MAP4K3: variants seen among roughly 807,000 people sequenced by gnomAD.
MAP4K3 encodes the protein MAPK/ERK kinase kinase kinase 3.
MAP4K3 carries 94 observed loss-of-function variants against 143.5 expected under a neutral mutation model. That is an observed-to-expected ratio of 0.65 (90% CI 0.55 to 0.78). MAP4K3 has a LOEUF of 0.78. Among genes scored for constraint, MAP4K3 ranks in the 30% least tolerant of loss-of-function variants. MAP4K3 has a pLI of 0.00. For synonymous variants in MAP4K3, 416 were observed against 347.2 expected, an observed-to-expected ratio of 1.20 and a Z score of -2.20; for missense variants, 1,077 against 1,068.1, an observed-to-expected ratio of 1.01 and a Z score of -0.12.
At chr2:39,262,124 T>C (rs889185356) in intron 28 of MAP4K3, among the ~76,000 whole-genome samples, 3 of 152,238 alleles carry the variant, frequency 2.0e-5, no homozygotes, top group African/African-American at 7.2e-5. Flanking sequence ...TTGCTAGCAT[T>C]TTATGAAGCT....
At chr2:39,294,592 G>GTAT (rs1682192338) in intron 16 of MAP4K3, among the ~76,000 whole-genome samples, 1 of 152,186 alleles carries the variant, frequency 6.6e-6, no homozygotes, top group South Asian at 2.1e-4. Flanking sequence ...CACCATCACA[G>GTAT]GATATGGCAC....
chr2:39,261,019 C>A, intron 28 of MAP4K3: 1 of 360,808 alleles, frequency 2.8e-6, no homozygotes. Context: ...ATTTATAAGT[C>A]ACGTGTCCAA....
rs10196447 is a variant in MAP4K3 at position 39,389,311 on chromosome 2, G to A, written c.97-11188C>T. Among the ~76,000 whole-genome samples the A allele has an allele frequency of 9.2e-5, 14 of 152,090 alleles. No individual in the cohort carries two copies. In the East Asian group the frequency reaches 2.7e-3, roughly 29 times the overall value. On this transcript the variant is annotated intron_variant, in intron 1 of 33. Coordinates refer to ENST00000263881, the MANE Select transcript of MAP4K3 (RefSeq NM_003618.4). ...CAAGAGATAGAAAATGAGAGATTAA[G>A]AGACACAAAGAATAGAATAAGAAAA...
At chr2:39,369,193 G>GTTTTTTTTTTTTTTTTTTTTT (rs1553419595) in intron 2 of MAP4K3, among the ~76,000 whole-genome samples, 2 of 37,968 alleles carry the variant, frequency 5.3e-5, no homozygotes, top group East Asian at 2.1e-3. Context: ...CTTTGGGCTA[G>GTTTTTTTTTTTTTTTTTTTTT]TTTTTTTTTT....
In MAP4K3 at chr2:39,378,008, C is replaced by T. The variant is rs1350461442; in HGVS notation, c.154+58G>A. The T allele has an allele frequency of 3.0e-5, 30 of 988,236 alleles. No individual in the cohort carries two copies. In the South Asian group the frequency reaches 3.6e-4, roughly 12 times the overall value. 61.2% of individuals were successfully genotyped at this position (988,236 alleles called of 1,614,324 possible). A position where few individuals can be genotyped will look rare whatever the true frequency, so the allele number is the denominator to read the frequency against. ...GTTAACCAAACATCATTAAAATAAGCCTTAAGATATCCCATGGCTTTCTAG... is the reference window on the plus strand; with the variant it reads ...GTTAACCAAACATCATTAAAATAAGTCTTAAGATATCCCATGGCTTTCTAG... On this transcript the variant is annotated intron_variant, in intron 2 of 33. Coordinates refer to ENST00000263881, the MANE Select transcript of MAP4K3 (RefSeq NM_003618.4).
chr2:39,308,043 CT>C, intron 14 of MAP4K3, 38 bp from the exon 15 acceptor site: 2 of 1,459,480 alleles, frequency 1.4e-6, no homozygotes, highest in Non-Finnish European at 1.9e-6. Context: ...GTTATTTACG[CT>C]TAGACTAAAA....
chr2:39,291,448 T>C (rs1479128210), intron 18 of MAP4K3, among the ~76,000 whole-genome samples: 1 of 152,210 alleles, frequency 6.6e-6, no homozygotes, highest in Non-Finnish European at 1.5e-5. Context: ...GTATAAAATA[T>C]ATCACATTGT....
intron 19 of MAP4K3, among the ~76,000 whole-genome samples, chr2:39,288,700 A>G (rs973309537): frequency 6.6e-6 from 1 of 152,180 alleles, no homozygotes; most frequent in African/African-American, 2.4e-5. Flanking sequence ...AGATGACTCA[A>G]TGTCTTTATG....
intron 6 of MAP4K3, among the ~76,000 whole-genome samples, chr2:39,333,936 T>A (rs1367011150): frequency 6.6e-6 from 1 of 151,586 alleles, no homozygotes; most frequent in African/African-American, 2.4e-5. Flanking sequence ...CATTACACTT[T>A]AAACTTGATT....
chr2:39,437,165 G>A lies in MAP4K3; in HGVS notation c.-178C>T, dbSNP rs918754781. ...CTCCCCTCACGCCGCTGCGGACGAC[G>A]ACAAGCGGCCAATCGTCCCCGCCCC... On this transcript the variant is annotated 5_prime_UTR_variant, in exon 1 of 34. Transcript: ENST00000263881. 1.5e-5 allele frequency: 6 copies of A among 396,328 alleles called. No individual in the cohort carries two copies. The highest frequency in any genetic ancestry group is 2.6e-5 in the Non-Finnish European group (6 of 229,090). The allele number at this position is 396,328 out of a possible 1,614,324, so 24.6% of individuals were successfully genotyped here. A position where few individuals can be genotyped will look rare whatever the true frequency, so the allele number is the denominator to read the frequency against.
rs953749990 is a variant in MAP4K3 at position 39,272,167 on chromosome 2, AT to A, written c.1973+115del. ...CACTTGTTAATGTATATTACTTATT[AT>A]TTTTTCATCATGATTTTTATTAACC... On this transcript the variant is annotated intron_variant, in intron 26 of 33. Coordinates refer to ENST00000263881, the MANE Select transcript of MAP4K3 (RefSeq NM_003618.4). 36 of 753,766 alleles carry A rather than the reference AT, an allele frequency of 4.8e-5. No individual in the cohort carries two copies. In the African/African-American group the frequency reaches 6.0e-4, roughly 13 times the overall value. The allele number at this position is 753,766 out of a possible 1,614,324, so 46.7% of individuals were successfully genotyped here.
At chr2:39,309,827 A>G (rs1293842252) in intron 13 of MAP4K3, among the ~76,000 whole-genome samples, 1 of 151,816 alleles carries the variant, frequency 6.6e-6, no homozygotes, top group Non-Finnish European at 1.5e-5. Flanking sequence ...CAAAGTGCTG[A>G]GATTACAGGA....
In MAP4K3 at chr2:39,325,824, GA is replaced by G; in HGVS notation, c.726-14del. The G allele has an allele frequency of 6.3e-7, 1 of 1,588,900 alleles. No homozygotes were observed. The highest frequency in any genetic ancestry group is 1.4e-5 in the African/African-American group (1 of 73,504). On this transcript the variant is annotated splice_polypyrimidine_tract_variant and intron_variant, in intron 10 of 33. Transcript: ENST00000263881. ...AAAACTATTTGACCTAAGAAATTTA[GA>G]AAATTAGACTTTTACATTCCAATTC...
intron 4 of MAP4K3, among the ~76,000 whole-genome samples, chr2:39,342,761 A>C (rs1665179955): frequency 6.6e-6 from 1 of 152,216 alleles, no homozygotes; most frequent in South Asian, 2.1e-4. Context: ...AAAAATGAGA[A>C]AAAAGGTCCA....
At chr2:39,396,753 G>A (rs943598735) in intron 1 of MAP4K3, among the ~76,000 whole-genome samples, 12 of 152,132 alleles carry the variant, frequency 7.9e-5, no homozygotes, top group African/African-American at 2.4e-4. Flanking sequence ...GATTACAGAC[G>A]TGAGCCACCG....
intron 29 of MAP4K3, among the ~76,000 whole-genome samples, chr2:39,259,355 C>T (rs1023176880): frequency 1.3e-5 from 2 of 152,034 alleles, no homozygotes; most frequent in African/African-American, 4.8e-5. Flanking sequence ...CACAAGTCTC[C>T]CAGTGATTCT....
At position 39,368,292 on chromosome 2, in the gene MAP4K3, T is replaced by G. The variant is rs117604005; in HGVS notation, c.154+9774A>C. Among the ~76,000 whole-genome samples the G allele has an allele frequency of 2.6e-4, 39 of 149,160 alleles. 1 individual carries two copies. The East Asian group carries it at 7.8e-3, about 30-fold the overall frequency. On this transcript the variant is annotated intron_variant, in intron 2 of 33. Coordinates refer to ENST00000263881, the MANE Select transcript of MAP4K3 (RefSeq NM_003618.4). ...AGGAAAAATAGAGCACGGTGTAGAT[T>G]TTAAGGGAAGTGAAGAATACAATGG...
chr2:39,348,025 G>T (rs193058945), intron 3 of MAP4K3, among the ~76,000 whole-genome samples: 39 of 151,952 alleles, frequency 2.6e-4, no homozygotes, highest in African/African-American at 8.7e-4. Context: ...CATCACATTT[G>T]CTGAACTTTC....
chr2:39,292,848 A>G (rs1182753925), intron 17 of MAP4K3, 22 bp from the exon 18 acceptor site: 2 of 1,593,054 alleles, frequency 1.3e-6, no homozygotes, highest in East Asian at 2.2e-5. Context: ...GGATAATGTC[A>G]TTGTTATTAA....
Sources: gnomAD v4.1 joint callset for allele counts (sites outside exome capture counted in the v4.1 genomes callset) on GRCh38, gnomAD v4.1.1 for gene constraint, MANE v1.5 for transcripts, NCBI Gene and HGNC (gene_info 2026-07-23, HGNC 2026-07-21) for gene names.